Variants in TECTA observed in about 807,000 individuals in gnomAD.
TECTA encodes the protein alpha-tectorin.
Under a neutral mutation model 216.8 loss-of-function variants are expected in TECTA, and 128 were observed. The observed-to-expected ratio is 0.59, with a 90% CI of 0.51 to 0.68. TECTA has a LOEUF of 0.68. Ranked by LOEUF, TECTA falls within the 30% of genes least tolerant of loss-of-function variation. The pLI is 0.00. For missense variants in TECTA, 2,551 were observed against 2,786.2 expected (o/e 0.92, Z 1.90); for synonymous variants, 1,089 against 1,117.1 (o/e 0.97, Z 0.50).
At position 121,190,737 on chromosome 11, in the gene TECTA, G is replaced by C. The variant is rs1410061049; in HGVS notation, c.6399G>C (p.Trp2133Cys). Residue 2133 changes from tryptophan to cysteine, a missense_variant, in exon 24 of 24, where the codon TGG (tryptophan) becomes TGC (cysteine). Coordinates refer to ENST00000392793, the MANE Select transcript of TECTA (RefSeq NM_005422.4). ...ASNSSMELQV[W>C]TLLLIMIQIS... ...ATTCTTCAATGGAACTTCAAGTCTGGACGCTTCTTCTCATCATGATCCAGA... is the reference window on the plus strand; with the variant it reads ...ATTCTTCAATGGAACTTCAAGTCTGCACGCTTCTTCTCATCATGATCCAGA... 2 of 1,613,706 alleles carry C rather than the reference G, an allele frequency of 1.2e-6. No homozygotes were observed. The highest frequency in any genetic ancestry group is 2.7e-5 in the African/African-American group (2 of 74,862).
intron 7 of TECTA, among the ~76,000 whole-genome samples, chr11:121,122,973 G>A (rs1298301149): frequency 1.3e-5 from 2 of 152,240 alleles, no homozygotes; most frequent in South Asian, 2.1e-4. Flanking sequence ...TTCTGGTGAG[G>A]ACCAACTACT....
intron 11 of TECTA, among the ~76,000 whole-genome samples, chr11:121,139,932 G>A (rs540144863): frequency 2.0e-5 from 3 of 152,158 alleles, no homozygotes; most frequent in Non-Finnish European, 2.9e-5. Context: ...CAAATATATC[G>A]ATCGTTTTGC....
Position 121,131,453 on chromosome 11 carries a change from G to A in TECTA, c.2941+1242G>A, listed in dbSNP as rs144726379. ...TTTCTAAACCACTTGAGAGTAAGTT[G>A]CTGTCATTATGCCTGTTTGTACCTA... On this transcript the variant is annotated intron_variant, in intron 10 of 23. Coordinates refer to ENST00000392793, the MANE Select transcript of TECTA (RefSeq NM_005422.4). 2.5e-3 allele frequency among the ~76,000 whole-genome samples: 385 copies of A among 152,232 alleles called. 2 individuals carry two copies. The highest frequency in any genetic ancestry group is 8.6e-3 in the African/African-American group (358 of 41,526).
At position 121,129,492 on chromosome 11, in the gene TECTA, G is replaced by A. The variant is rs969608556; in HGVS notation, c.2368-146G>A. ...TAAATAAAGAAGCCCATGACAAATC[G>A]GTTGGTATCTTTGTGGGTTCCATCA... On this transcript the variant is annotated intron_variant, in intron 9 of 23. Transcript: ENST00000392793. The A allele has an allele frequency of 3.4e-5, 26 of 759,884 alleles. No individual in the cohort carries two copies. The African/African-American group carries it at 4.0e-4, about 12-fold the overall frequency. The allele number at this position is 759,884 out of a possible 1,614,324, so 47.1% of individuals were successfully genotyped here.
At chr11:121,166,246 A>G (rs1031980777) in intron 17 of TECTA, among the ~76,000 whole-genome samples, 2 of 152,212 alleles carry the variant, frequency 1.3e-5, no homozygotes, top group Non-Finnish European at 2.9e-5. Flanking sequence ...CCAGGCCACA[A>G]TGTGCCAGAT....
chr11:121,144,443 AAG>A (rs926126336), intron 11 of TECTA, among the ~76,000 whole-genome samples: 1 of 152,100 alleles, frequency 6.6e-6, no homozygotes, highest in Non-Finnish European at 1.5e-5. Flanking sequence ...GTTGTCAGCT[AAG>A]AGAGAGAGGA....
rs184660637 is a variant in TECTA, at chr11:121,137,358, G to A, written c.2942-63G>A. 2.5e-5 allele frequency: 40 copies of A among 1,608,946 alleles called. No individual in the cohort carries two copies. In the Admixed American group the frequency reaches 3.2e-4, roughly 13 times the overall value. On this transcript the variant is annotated intron_variant, in intron 10 of 23. Transcript: ENST00000392793. ...TGCACTCATACACACATGCATGCAC[G>A]CACACTTCTGTCTCTGACTTTTGTC...
chr11:121,163,929 A>T (rs1947026477), intron 16 of TECTA, among the ~76,000 whole-genome samples: 1 of 152,244 alleles, frequency 6.6e-6, no homozygotes, highest in Non-Finnish European at 1.5e-5. Context: ...CAGTGAAAGG[A>T]TCTTTATAAA....
At chr11:121,177,033 T>A (rs944191428) in intron 20 of TECTA, among the ~76,000 whole-genome samples, 1 of 152,252 alleles carries the variant, frequency 6.6e-6, no homozygotes, top group Non-Finnish European at 1.5e-5. Flanking sequence ...CATCAGCTCC[T>A]TTACACACTT....
Position 121,102,650 on chromosome 11 carries a change from T to C in TECTA, c.-1-15T>C. The C allele has an allele frequency of 1.2e-6, 2 of 1,609,898 alleles. No homozygotes were observed. The highest frequency in any genetic ancestry group is 1.7e-6 in the Non-Finnish European group (2 of 1,176,432). On this transcript the variant is annotated splice_polypyrimidine_tract_variant and intron_variant, in intron 1 of 23. Transcript: ENST00000392793. ...AGCTGGGGATTTTTTTTTCATTTTC[T>C]TTTTAAAATTCCAGGATGAATTATT... is the stretch of plus-strand genomic sequence containing the variant.
intron 13 of TECTA, among the ~76,000 whole-genome samples, chr11:121,157,531 T>C (rs1412417554): frequency 6.6e-6 from 1 of 152,178 alleles, no homozygotes; most frequent in Non-Finnish European, 1.5e-5. Flanking sequence ...CGTTCCGGGT[T>C]ACTTACAGTG....
chr11:121,125,528 G>C lies in TECTA; in HGVS notation c.1430G>C (p.Gly477Ala), dbSNP rs1946600223. 2 of 1,614,082 alleles carry C rather than the reference G, an allele frequency of 1.2e-6. No homozygotes were observed. The highest frequency in any genetic ancestry group is 1.7e-6 in the Non-Finnish European group (2 of 1,180,066). Reference sequence around the variant, plus strand: ...CTGGATGACTTCCTCCGCCCGGATGGCAGGCCGGCCATGTCTGTCCTGGAT... The same window carrying C: ...CTGGATGACTTCCTCCGCCCGGATGCCAGGCCGGCCATGTCTGTCCTGGAT... ...NPLDDFLRPD[G>A]RPAMSVLDLG... The change falls in exon 8 of 24, where the codon GGC (glycine) becomes GCC (alanine). Residue 477 changes from glycine to alanine, a missense_variant. This residue lies in a region of TECTA where 2,375 missense variants were observed against 2,563.9 expected (regional missense o/e 0.93). Coordinates refer to ENST00000392793, the MANE Select transcript of TECTA (RefSeq NM_005422.4).
chr11:121,154,895 G>C (rs955013754), intron 13 of TECTA, among the ~76,000 whole-genome samples: 1 of 152,212 alleles, frequency 6.6e-6, no homozygotes, highest in African/African-American at 2.4e-5. Context: ...ATCCAGCCGT[G>C]TTAATGAAAG....
Position 121,113,432 on chromosome 11 carries a change from A to T in TECTA, c.625-121A>T. 6.8e-7 allele frequency: 1 copy of T among 1,480,150 alleles called. No homozygotes were observed. The highest frequency in any genetic ancestry group is 1.7e-5 in the Admixed American group (1 of 59,186). 91.7% of individuals were successfully genotyped at this position (1,480,150 alleles called of 1,614,324 possible). On this transcript the variant is annotated intron_variant, in intron 5 of 23. Transcript: ENST00000392793. This position sits in a 1 kb window ranked among gnomAD's most constrained non-coding sequence, Gnocchi z 4.2. ...CTCACCTAGAATGCTGGCCCCAGTG[A>T]CTCCAGGAAAAGACGGCTCTTGATT...
chr11:121,111,091 C>T lies in TECTA; in HGVS notation c.486+1593C>T, dbSNP rs190975576. Among the ~76,000 whole-genome samples the T allele has an allele frequency of 9.9e-5, 15 of 152,178 alleles. No individual in the cohort carries two copies. The South Asian group carries it at 2.5e-3, about 25-fold the overall frequency. On this transcript the variant is annotated intron_variant, in intron 4 of 23. Coordinates refer to ENST00000392793, the MANE Select transcript of TECTA (RefSeq NM_005422.4). ...TTCAAAGGCAAAAATTCTCATGCGACGCCAACAGAAGGGAAGGAAAAGGGA... is the reference window on the plus strand; with the variant it reads ...TTCAAAGGCAAAAATTCTCATGCGATGCCAACAGAAGGGAAGGAAAAGGGA...
At chr11:121,182,663 A>C (rs1048720960) in intron 20 of TECTA, among the ~76,000 whole-genome samples, 7 of 151,668 alleles carry the variant, frequency 4.6e-5, no homozygotes, top group African/African-American at 1.7e-4. Context: ...CTGATGGTAC[A>C]TGCAGCCATC....
intron 20 of TECTA, among the ~76,000 whole-genome samples, chr11:121,170,203 A>T (rs965641785): frequency 6.6e-6 from 1 of 152,168 alleles, no homozygotes; most frequent in African/African-American, 2.4e-5. Flanking sequence ...TTTAAGGCTG[A>T]ATAGTATTCC....
At position 121,113,397 on chromosome 11, in the gene TECTA, GCAGTCCTTT is replaced by G. The variant is rs1946463559; in HGVS notation, c.625-154_625-146del. On this transcript the variant is annotated intron_variant, in intron 5 of 23. Transcript: ENST00000392793. The surrounding 1 kb of genome is among the most constrained non-coding windows in gnomAD (Gnocchi z 4.2). ...CTGACTCGGCTATGAAATGAACTAG[GCAGTCCTTT>G]CTCACCTAGAATGCTGGCCCCAGTG... Among the ~76,000 whole-genome samples the G allele has an allele frequency of 6.6e-6, 1 of 152,126 alleles. No individual in the cohort carries two copies. The highest frequency in any genetic ancestry group is 1.5e-5 in the Non-Finnish European group (1 of 68,028).
intron 9 of TECTA, among the ~76,000 whole-genome samples, chr11:121,129,120 A>G (rs749312722): frequency 6.6e-6 from 1 of 152,224 alleles, no homozygotes; most frequent in Non-Finnish European, 1.5e-5. Flanking sequence ...ACTGGAAGGG[A>G]TGTGTTTTTA....
Sources: allele counts gnomAD v4.1 joint callset (sites outside exome capture counted in the v4.1 genomes callset), GRCh38; gene constraint gnomAD v4.1.1; regional missense constraint gnomAD v4.1.1; non-coding constraint Gnocchi (gnomAD v3.1); transcripts MANE v1.5; gene names NCBI Gene and HGNC (gene_info 2026-07-23, HGNC 2026-07-21).